Variants in PRELID2 observed in about 807,000 individuals in gnomAD.
PRELID2 encodes PRELI domain-containing protein 2.
PRELID2 carries 25 observed loss-of-function variants against 28.4 expected under a neutral mutation model. The observed-to-expected ratio is 0.88, with a 90% CI of 0.64 to 1.23. PRELID2 has a LOEUF of 1.23. Ranked by LOEUF, PRELID2 falls within the 50% of genes most tolerant of loss-of-function variation. The probability of loss-of-function intolerance (pLI) is 0.00; values close to 1 mark genes in which losing one functional copy is unlikely to be tolerated. For synonymous variants in PRELID2, 76 were observed against 71.6 expected (o/e 1.06, Z -0.31); for missense variants, 201 against 214.4 (o/e 0.94, Z 0.39).
the PRELID2 span, among the ~76,000 whole-genome samples, chr5:145,454,599 A>C: frequency 6.6e-6 from 1 of 152,330 alleles, no homozygotes; most frequent in Admixed American, 6.5e-5. Flanking sequence ...ATACAAAATC[A>C]AGGTATAAAA....
chr5:145,817,264 A>G (rs1754415028), intron 4 of PRELID2, among the ~76,000 whole-genome samples: 1 of 138,402 alleles, frequency 7.2e-6, no homozygotes, highest in South Asian at 2.3e-4. Context: ...CATATAACAT[A>G]AAGGATCATA....
At chr5:145,366,609 A>G in the PRELID2 span, among the ~76,000 whole-genome samples, 6 of 151,704 alleles carry the variant, frequency 4.0e-5, no homozygotes, top group African/African-American at 1.5e-4. Flanking sequence ...ATTAAAATTT[A>G]TTTTCTCATC....
the PRELID2 span, among the ~76,000 whole-genome samples, chr5:145,446,505 A>G: frequency 6.6e-6 from 1 of 152,118 alleles, no homozygotes; most frequent in East Asian, 1.9e-4. Flanking sequence ...CCTTAAGAAT[A>G]AATGTCCTCA....
chr5:145,342,482 A>C, the PRELID2 span, among the ~76,000 whole-genome samples: 2 of 152,182 alleles, frequency 1.3e-5, no homozygotes. Context: ...ACAGTCTCAT[A>C]TGTCAATAAT....
chr5:145,568,675 T>C (rs1285370982), intron 1 of PRELID2, among the ~76,000 whole-genome samples: 1 of 152,226 alleles, frequency 6.6e-6, no homozygotes, highest in Non-Finnish European at 1.5e-5. Flanking sequence ...CACTTTTAGG[T>C]CTTCTTCTCC....
chr5:145,831,057 A>T (rs1755551270), intron 1 of PRELID2, among the ~76,000 whole-genome samples: 1 of 152,222 alleles, frequency 6.6e-6, no homozygotes, highest in Admixed American at 6.5e-5. Flanking sequence ...CCTTTGAAAA[A>T]AAAATCATAA....
the PRELID2 span, among the ~76,000 whole-genome samples, chr5:145,424,145 C>G: frequency 3.3e-5 from 5 of 151,338 alleles, no homozygotes; most frequent in African/African-American, 1.2e-4. Context: ...TCAAAGCTGT[C>G]AGACAGGGAC....
At chr5:145,335,823 T>C in the PRELID2 span, among the ~76,000 whole-genome samples, 1 of 152,194 alleles carries the variant, frequency 6.6e-6, no homozygotes, top group Non-Finnish European at 1.5e-5. Flanking sequence ...GTATTTCTAG[T>C]TCTAGATCCC....
At chr5:145,653,824 T>G (rs1754342723) in intron 1 of PRELID2, among the ~76,000 whole-genome samples, 1 of 152,070 alleles carries the variant, frequency 6.6e-6, no homozygotes, top group East Asian at 1.9e-4. Context: ...CATCTTAACA[T>G]CACAATTAAA....
At chr5:145,346,540 T>G in the PRELID2 span, among the ~76,000 whole-genome samples, 1 of 152,186 alleles carries the variant, frequency 6.6e-6, no homozygotes, top group African/African-American at 2.4e-5. Flanking sequence ...CTAACAGGGC[T>G]GTTCCATTTT....
chr5:145,794,354 G>C (rs2149814620), intron 5 of PRELID2, among the ~76,000 whole-genome samples: 1 of 152,242 alleles, frequency 6.6e-6, no homozygotes. Context: ...CAACCAAATA[G>C]TCCTAATAAA....
chr5:145,405,958 GC>G, the PRELID2 span, among the ~76,000 whole-genome samples: 2 of 152,008 alleles, frequency 1.3e-5, no homozygotes, highest in African/African-American at 4.8e-5. Context: ...ACTCACCTCA[GC>G]CTCCCAAAGT....
At chr5:145,723,051 G>A (rs759434634) in intron 1 of PRELID2, among the ~76,000 whole-genome samples, 11 of 152,014 alleles carry the variant, frequency 7.2e-5, no homozygotes, top group Admixed American at 4.6e-4. Context: ...TATGAAGCAA[G>A]TATAATATTG....
intron 1 of PRELID2, among the ~76,000 whole-genome samples, chr5:145,832,306 C>A (rs1034775293): frequency 1.3e-5 from 2 of 152,096 alleles, no homozygotes; most frequent in Admixed American, 6.6e-5. Context: ...ATCTTAGCCT[C>A]CCGAGTAGCT....
At chr5:145,582,348 C>T (rs757310948) in intron 1 of PRELID2, among the ~76,000 whole-genome samples, 6 of 152,062 alleles carry the variant, frequency 3.9e-5, no homozygotes, top group Middle Eastern at 6.8e-3. Flanking sequence ...TCTTACACAG[C>T]GGCAGGAGAG....
At chr5:145,499,097 A>G (rs1025704118) in intron 1 of PRELID2, among the ~76,000 whole-genome samples, 1 of 152,074 alleles carries the variant, frequency 6.6e-6, no homozygotes, top group South Asian at 2.1e-4. Context: ...AAAGCTAAAA[A>G]ATTAGCCGGG....
At chr5:145,404,102 T>A in the PRELID2 span, among the ~76,000 whole-genome samples, 1 of 152,190 alleles carries the variant, frequency 6.6e-6, no homozygotes, top group East Asian at 1.9e-4. Context: ...ACTTCTATGA[T>A]CTCTGAAGGC....
At chr5:145,702,723 G>A (rs1039384741) in intron 1 of PRELID2, among the ~76,000 whole-genome samples, 1 of 151,948 alleles carries the variant, frequency 6.6e-6, no homozygotes, top group Admixed American at 6.6e-5. Context: ...CAAAAATTTG[G>A]CTGCTTCTAA....
chr5:145,578,440 C>T (rs1008298669), intron 1 of PRELID2, among the ~76,000 whole-genome samples: 6 of 151,826 alleles, frequency 4.0e-5, no homozygotes, highest in Admixed American at 3.3e-4. Context: ...GTCTAGCTCC[C>T]TTTTTTTTCC....
Sources: gnomAD v4.1 joint callset for allele counts (sites outside exome capture counted in the v4.1 genomes callset) on GRCh38, gnomAD v4.1.1 for gene constraint, MANE v1.5 for transcripts, NCBI Gene and HGNC (gene_info 2026-07-23, HGNC 2026-07-21) for gene names.